SCRG1: variants seen among roughly 807,000 people sequenced by gnomAD.
SCRG1 encodes scrapie-responsive protein 1.
In SCRG1, 3 loss-of-function variants were observed where a neutral mutation model predicts 7.7. The ratio of observed to expected loss-of-function variants is 0.39; its 90% CI spans 0.18 to 1.01. The LOEUF is 1.01. Ranked by LOEUF, SCRG1 falls within the 50% of genes least tolerant of loss-of-function variation. SCRG1 has a pLI of 0.36. For missense variants in SCRG1, 110 were observed against 117.2 expected, an observed-to-expected ratio of 0.94 and a Z score of 0.28; for synonymous variants, 46 against 41.2, an observed-to-expected ratio of 1.12 and a Z score of -0.44.
At chr4:173,486,648 C>A in the SCRG1 span, among the ~76,000 whole-genome samples, 1 of 151,876 alleles carries the variant, frequency 6.6e-6, no homozygotes, top group Non-Finnish European at 1.5e-5. Flanking sequence ...TTTTTCTTTT[C>A]TTCTTCTTCT....
the SCRG1 span, among the ~76,000 whole-genome samples, chr4:173,450,768 C>T: frequency 6.6e-6 from 1 of 152,174 alleles, no homozygotes; most frequent in African/African-American, 2.4e-5. Flanking sequence ...AGAAGACCCT[C>T]AACTAAGAGT....
the SCRG1 span, among the ~76,000 whole-genome samples, chr4:173,483,004 T>C: frequency 2.3e-4 from 30 of 130,894 alleles, no homozygotes; most frequent in African/African-American, 5.5e-4. Context: ...TTCATATGTA[T>C]AATATATTAT....
chr4:173,389,835 G>T (rs774129258), intron 2 of SCRG1: 5 of 426,122 alleles, frequency 1.2e-5, no homozygotes, highest in South Asian at 8.5e-5. Flanking sequence ...TGGTAAGATG[G>T]TTATATCTAC....
chr4:173,426,182 C>G, the SCRG1 span, among the ~76,000 whole-genome samples: 3 of 152,194 alleles, frequency 2.0e-5, no homozygotes, highest in Middle Eastern at 3.2e-3. Context: ...AATTGGGCTT[C>G]CTGTTGTTTA....
At chr4:173,503,182 C>T in the SCRG1 span, among the ~76,000 whole-genome samples, 1 of 152,186 alleles carries the variant, frequency 6.6e-6, no homozygotes, top group Admixed American at 6.5e-5. This position sits in a 1 kb window ranked among gnomAD's most constrained non-coding sequence, Gnocchi z 6.4. Context: ...TTCCCACTCC[C>T]AAGCCCCCAG....
chr4:173,482,348 C>G, the SCRG1 span, among the ~76,000 whole-genome samples: 1 of 152,230 alleles, frequency 6.6e-6, no homozygotes, highest in East Asian at 1.9e-4. Context: ...ACAAATTCCC[C>G]TGAAATTAAC....
the SCRG1 span, among the ~76,000 whole-genome samples, chr4:173,504,385 C>G: frequency 5.3e-5 from 8 of 152,178 alleles, no homozygotes; most frequent in Non-Finnish European, 5.9e-5. The surrounding 1 kb of genome is among the most constrained non-coding windows in gnomAD (Gnocchi z 4.7). Context: ...CCTACCCCAA[C>G]TCGTCACCAC....
the SCRG1 span, chr4:173,446,788 GT>G: frequency 7.2e-5 from 11 of 152,300 alleles, no homozygotes; most frequent in African/African-American, 2.4e-4. Flanking sequence ...CAAGACAGTT[GT>G]TAGATGGATA....
At chr4:173,500,276 A>AG in the SCRG1 span, among the ~76,000 whole-genome samples, 6 of 152,234 alleles carry the variant, frequency 3.9e-5, no homozygotes, top group Non-Finnish European at 7.3e-5. Flanking sequence ...GGTGGGTCAC[A>AG]GGGCCTGCCC....
chr4:173,389,321 T>A (rs557353345), intron 2 of SCRG1, among the ~76,000 whole-genome samples: 27 of 151,220 alleles, frequency 1.8e-4, no homozygotes, highest in Non-Finnish European at 3.4e-4. Flanking sequence ...GATCACGAGG[T>A]CAGGATATCG....
the SCRG1 span, among the ~76,000 whole-genome samples, chr4:173,475,971 G>C: frequency 6.6e-6 from 1 of 152,182 alleles, no homozygotes; most frequent in African/African-American, 2.4e-5. Context: ...TAGAGTTTCA[G>C]TTTGGAAAGA....
upstream of SCRG1, among the ~76,000 whole-genome samples, chr4:173,399,763 C>A (rs1477767978): frequency 1.6e-5 from 2 of 127,444 alleles, no homozygotes; most frequent in Non-Finnish European, 1.8e-5. Flanking sequence ...GCAAACTATA[C>A]TGGAATTCTA....
chr4:173,509,065 G>C, the SCRG1 span, among the ~76,000 whole-genome samples: 1 of 152,168 alleles, frequency 6.6e-6, no homozygotes, highest in African/African-American at 2.4e-5. The surrounding 1 kb of genome is among the most constrained non-coding windows in gnomAD (Gnocchi z 5.7). Flanking sequence ...GCCAGGTTTG[G>C]AAACACACCC....
the SCRG1 span, among the ~76,000 whole-genome samples, chr4:173,447,910 G>A: frequency 1.3e-5 from 2 of 152,110 alleles, no homozygotes; most frequent in African/African-American, 2.4e-5. Context: ...TTAGAGACCA[G>A]CCTGGACAAT....
At chr4:173,517,604 C>T in the SCRG1 span, among the ~76,000 whole-genome samples, 2 of 152,190 alleles carry the variant, frequency 1.3e-5, no homozygotes, top group South Asian at 4.1e-4. Context: ...TGAGAAGAAT[C>T]CTTGCGTGAC....
the SCRG1 span, among the ~76,000 whole-genome samples, chr4:173,497,477 T>C: frequency 2.0e-5 from 3 of 152,028 alleles, no homozygotes; most frequent in Middle Eastern, 3.4e-3. Flanking sequence ...AAACATATCA[T>C]GACTGTTTCT....
chr4:173,457,267 A>G, the SCRG1 span, among the ~76,000 whole-genome samples: 1 of 152,212 alleles, frequency 6.6e-6, no homozygotes, highest in Non-Finnish European at 1.5e-5. Flanking sequence ...ATCTTGTGGG[A>G]AAACTCAACA....
chr4:173,453,210 C>T, the SCRG1 span, among the ~76,000 whole-genome samples: 1 of 152,206 alleles, frequency 6.6e-6, no homozygotes, highest in Admixed American at 6.5e-5. Flanking sequence ...CATACCTGCC[C>T]TTTTCTCCAG....
At chr4:173,484,818 T>A in the SCRG1 span, among the ~76,000 whole-genome samples, 1 of 71,614 alleles carries the variant, frequency 1.4e-5, no homozygotes, top group Non-Finnish European at 2.4e-5. Flanking sequence ...ATTATACATA[T>A]AATATATATT....
Sources: gnomAD v4.1 joint callset for allele counts (sites outside exome capture counted in the v4.1 genomes callset) on GRCh38, gnomAD v4.1.1 for gene constraint, Gnocchi (gnomAD v3.1) non-coding constraint, MANE v1.5 for transcripts, NCBI Gene and HGNC (gene_info 2026-07-23, HGNC 2026-07-21) for gene names.